The following CD207 variants were observed in gnomAD, a reference collection of about 807,000 sequenced individuals.
The protein encoded by CD207 is C-type lectin domain family 4 member K.
A neutral mutation model predicts 31.6 loss-of-function variants in CD207; 28 were observed. The observed-to-expected ratio is 0.89, with a 90% CI of 0.66 to 1.21. The LOEUF (loss-of-function observed/expected upper bound fraction) is 1.21, where lower values mean the gene tolerates loss of function less well. Ranked by LOEUF, CD207 falls within the 50% of genes most tolerant of loss-of-function variation. CD207 has a pLI of 0.00. For missense variants in CD207, 388 were observed against 397.8 expected (o/e 0.98, Z 0.21); for synonymous variants, 168 against 153.9 (o/e 1.09, Z -0.68).
downstream of CD207, among the ~76,000 whole-genome samples, chr2:70,826,177 G>A (rs781939060): frequency 3.3e-5 from 5 of 151,902 alleles, no homozygotes; most frequent in Non-Finnish European, 5.9e-5. Context: ...AAAGACATAA[G>A]TAGTAATTAT....
intron 2 of CD207, 36 bp downstream of exon 2, chr2:70,835,455 G>T: frequency 6.7e-7 from 1 of 1,486,832 alleles, no homozygotes. Flanking sequence ...GCCACAGAGA[G>T]GGGCTAAGCC....
At chr2:70,833,414 C>T (rs1320239866) in intron 3 of CD207, among the ~76,000 whole-genome samples, 1 of 152,130 alleles carries the variant, frequency 6.6e-6, no homozygotes, top group Non-Finnish European at 1.5e-5. Flanking sequence ...AATGCTTTTA[C>T]ATTCTGCACT....
At chr2:70,834,725 G>C (rs186527542) in intron 2 of CD207, among the ~76,000 whole-genome samples, 31 of 152,240 alleles carry the variant, frequency 2.0e-4, no homozygotes, top group Admixed American at 2.0e-3. Context: ...TCTAGGATGG[G>C]GCAAGGGGGA....
rs1574395976 is a variant in CD207 at position 70,833,756 on chromosome 2, G to A, written c.455C>T (p.Ala152Val). 1 of 1,613,982 alleles carries A rather than the reference G, an allele frequency of 6.2e-7. No individual in the cohort carries two copies. Among genetic ancestry groups the A allele is most frequent in the Non-Finnish European group, 8.5e-7 (1 of 1,179,896 alleles). Residue 152 changes from alanine to valine, a missense_variant, in exon 3 of 6, where the codon GCC becomes GTC. Coordinates refer to ENST00000410009, the MANE Select transcript of CD207 (RefSeq NM_015717.5). ...ATCACTTTTTAACTCTGGGATTTGG[G>A]CATTTAAGGTACTGACTTCTTCCCA... The part of the protein sequence containing the change: ...RSWEEVSTLN[A>V]QIPELKSDLE...
intron 4 of CD207, 24 bp from the exon 5 acceptor site, chr2:70,831,843 G>C (rs1418072219): frequency 1.4e-6 from 2 of 1,446,888 alleles, no homozygotes; most frequent in Non-Finnish European, 1.9e-6. Context: ...AGGATAAGCA[G>C]AGGTGCGGCC....
At position 70,832,981 on chromosome 2, in the gene CD207, AATG is replaced by A; in HGVS notation, c.633_635del (p.Ile212del). The A allele has an allele frequency of 6.2e-7, 1 of 1,613,974 alleles. No homozygotes were observed. Among genetic ancestry groups the A allele is most frequent in the Non-Finnish European group, 8.5e-7 (1 of 1,179,872 alleles). On this transcript the variant is annotated inframe_deletion, in exon 4 of 6. Coordinates refer to ENST00000410009, the MANE Select transcript of CD207 (RefSeq NM_015717.5). ...GCTCGGCACTATACCAGGTCTTTGG[AATG>A]AGAGAAAAGTAATAGAAGTTCCCCT...
chr2:70,829,447 C>T (rs936673176), downstream of CD207, among the ~76,000 whole-genome samples: 1 of 152,176 alleles, frequency 6.6e-6, no homozygotes, highest in Admixed American at 6.5e-5. Flanking sequence ...GGATGAGATG[C>T]CCCGGATTCC....
At position 70,833,705 on chromosome 2, in the gene CD207, G is replaced by T; in HGVS notation, c.506C>A (p.Thr169Lys). 1 of 1,613,992 alleles carries T rather than the reference G, an allele frequency of 6.2e-7. No homozygotes were observed. The highest frequency in any genetic ancestry group is 1.1e-5 in the South Asian group (1 of 91,074). The change falls in exon 3 of 6, where the codon ACA becomes AAA. Residue 169 changes from threonine to lysine, a missense_variant. Thr to Lys is a moderately conservative substitution (Grantham distance 78). Transcript: ENST00000410009. Reference sequence around the variant, plus strand: ...GCTGCCCTGGAGTGCCCGGATCTTTGTATTTAAAGCACTGGCTTTCTCCAA... The same window carrying T: ...GCTGCCCTGGAGTGCCCGGATCTTTTTATTTAAAGCACTGGCTTTCTCCAA... ...SDLEKASALN[T>K]KIRALQGSLE...
chr2:70,835,496 A>G lies in CD207; in HGVS notation c.185T>C (p.Val62Ala). 1 of 1,610,534 alleles carries G rather than the reference A, an allele frequency of 6.2e-7. No individual in the cohort carries two copies. The highest frequency in any genetic ancestry group is 2.2e-5 in the East Asian group (1 of 44,868). The change falls in exon 2 of 6, where the codon GTC becomes GCC. Residue 62 changes from valine (V) to alanine (A), a missense_variant. Physicochemically the swap from Val to Ala is moderately conservative, Grantham distance 64. Transcript: ENST00000410009. ...VLVASVLLQA[V>A]LYPRFMGTIS... ...GATGAAACATGAGGACTTACAAAGG[A>G]CGGCCTGCAGCAGGACGGAGGCGAC... is the stretch of plus-strand genomic sequence containing the variant.
chr2:70,829,757 T>C (rs1186559870), downstream of CD207, among the ~76,000 whole-genome samples: 1 of 152,114 alleles, frequency 6.6e-6, no homozygotes, highest in Admixed American at 6.5e-5. Flanking sequence ...TTACAGTTAT[T>C]TAAGGAAGCA....
chr2:70,833,924 T>C lies in CD207; in HGVS notation c.287A>G (p.Lys96Arg). ...DNISTLDSEI[K>R]KNSDGMEAAG... ...TGCCTCCATGCCGTCACTATTCTTT[T>C]TAATTTCAGAATCCAGGGTGCTGAT... is the stretch of plus-strand genomic sequence containing the variant. Residue 96 changes from lysine (K) to arginine (R), a missense_variant, in exon 3 of 6, where the codon AAA (lysine) becomes AGA (arginine). Physicochemically the swap from Lys to Arg is conservative, Grantham distance 26 (BLOSUM62 2). Transcript: ENST00000410009. 1 of 1,591,750 alleles carries C rather than the reference T, an allele frequency of 6.3e-7. No individual in the cohort carries two copies. Among genetic ancestry groups the C allele is most frequent in the East Asian group, 2.2e-5 (1 of 44,592 alleles).
chr2:70,831,629 G>A (rs1011282625), intron 5 of CD207, 72 bp downstream of exon 5: 11 of 895,184 alleles, frequency 1.2e-5, no homozygotes, highest in East Asian at 4.8e-5. Flanking sequence ...GGGGAACATC[G>A]CCCCCACTCC....
downstream of CD207, among the ~76,000 whole-genome samples, chr2:70,829,961 A>G (rs139138281): frequency 4.6e-5 from 7 of 152,236 alleles, no homozygotes; most frequent in African/African-American, 1.7e-4. Flanking sequence ...AGACTAGAAG[A>G]TTGTGCAGTA....
At position 70,835,513 on chromosome 2, in the gene CD207, G is replaced by C. The variant is rs201606068; in HGVS notation, c.168C>G (p.Ser56=). Residue 56 remains serine (S), a synonymous_variant, in exon 2 of 6, where the codon TCC becomes TCG. Coordinates refer to ENST00000410009, the MANE Select transcript of CD207 (RefSeq NM_015717.5). ...TACAAAGGACGGCCTGCAGCAGGAC[G>C]GAGGCGACCAGGACCAGCGTCAGGC... ...LICLTLVLVA[S]VLLQAVLYPR... 6.2e-7 allele frequency: 1 copy of C among 1,613,438 alleles called. No homozygotes were observed. Among genetic ancestry groups the C allele is most frequent in the Non-Finnish European group, 8.5e-7 (1 of 1,179,584 alleles).
intron 4 of CD207, 24 bp from the exon 5 acceptor site, chr2:70,831,843 G>T: frequency 6.9e-7 from 1 of 1,446,888 alleles, no homozygotes; most frequent in Non-Finnish European, 9.7e-7. Flanking sequence ...AGGATAAGCA[G>T]AGGTGCGGCC....
chr2:70,829,421 C>T (rs142351796), downstream of CD207, among the ~76,000 whole-genome samples: 191 of 152,286 alleles, frequency 1.3e-3, no homozygotes, highest in African/African-American at 4.4e-3. Context: ...GGGAGGCAGG[C>T]CTTGTAGTAA....
At chr2:70,826,390 A>AATTG (rs1558625130), downstream of CD207, among the ~76,000 whole-genome samples, 166 of 151,588 alleles carry the variant, frequency 1.1e-3, no homozygotes, top group African/African-American at 3.8e-3. Flanking sequence ...AAATTAAATT[A>AATTG]AATTAAAACA....
Position 70,830,986 on chromosome 2 carries a change from A to G in CD207, c.*64T>C. 1 of 1,467,576 alleles carries G rather than the reference A, an allele frequency of 6.8e-7. No individual in the cohort carries two copies. Among genetic ancestry groups the G allele is most frequent in the Non-Finnish European group, 9.3e-7 (1 of 1,073,394 alleles). 90.9% of individuals were successfully genotyped at this position (1,467,576 alleles called of 1,614,324 possible). On this transcript the variant is annotated 3_prime_UTR_variant, in exon 6 of 6. Coordinates refer to ENST00000410009, the MANE Select transcript of CD207 (RefSeq NM_015717.5). ...AGTCATCCTGGAGTCTGGGGAAGAAAGAGGCATTTCCTCATGTTTAACAAG... is the reference window on the plus strand; with the variant it reads ...AGTCATCCTGGAGTCTGGGGAAGAAGGAGGCATTTCCTCATGTTTAACAAG...
In CD207 at chr2:70,830,874, A is replaced by C; in HGVS notation, c.*176T>G. On this transcript the variant is annotated 3_prime_UTR_variant, in exon 6 of 6. Coordinates refer to ENST00000410009, the MANE Select transcript of CD207 (RefSeq NM_015717.5). ...TCTCCTTTCCATTCCAGCTGCCTCC[A>C]AGACGTCAGAGAATTTCCAGCCAAG... 32 of 540,158 alleles carry C rather than the reference A, an allele frequency of 5.9e-5. No homozygotes were observed. Among genetic ancestry groups the C allele is most frequent in the East Asian group, 9.9e-5 (3 of 30,272 alleles). The allele number at this position is 540,158 out of a possible 1,614,324, so 33.5% of individuals were successfully genotyped here. A position where few individuals can be genotyped will look rare whatever the true frequency, so the allele number is the denominator to read the frequency against.
Sources: gnomAD v4.1 joint callset for allele counts (sites outside exome capture counted in the v4.1 genomes callset) on GRCh38, gnomAD v4.1.1 for gene constraint, MANE v1.5 for transcripts, NCBI Gene and HGNC (gene_info 2026-07-23, HGNC 2026-07-21) for gene names.